ANKRD44: variants seen among roughly 807,000 people sequenced by gnomAD.
ANKRD44 encodes serine/threonine-protein phosphatase 6 regulatory ankyrin repeat subunit B.
A neutral mutation model predicts 116.0 loss-of-function variants in ANKRD44; 35 were observed. The ratio of observed to expected loss-of-function variants is 0.30; its 90% confidence interval spans 0.23 to 0.40. ANKRD44 has a LOEUF of 0.40. Ranked by LOEUF, ANKRD44 falls within the 10% of genes least tolerant of loss-of-function variation. The pLI is 1.00. For synonymous variants in ANKRD44, 435 were observed against 461.8 expected, an observed-to-expected ratio of 0.94 and a Z score of 0.74; for missense variants, 1,014 against 1,242.6, an observed-to-expected ratio of 0.82 and a Z score of 2.77.
chr2:197,156,232 G>A (rs1216691647), intron 2 of ANKRD44, among the ~76,000 whole-genome samples: 1 of 152,130 alleles, frequency 6.6e-6, no homozygotes. Context: ...TGTAGTCCCA[G>A]CTACTCAGGA....
chr2:197,244,889 G>A (rs2082157650), intron 1 of ANKRD44, among the ~76,000 whole-genome samples: 1 of 152,104 alleles, frequency 6.6e-6, no homozygotes, highest in South Asian at 2.1e-4. Context: ...TTTACAGTTG[G>A]CCCTCCATAT....
chr2:196,994,141 AT>A (rs2075969584), intron 26 of ANKRD44, among the ~76,000 whole-genome samples: 1 of 152,188 alleles, frequency 6.6e-6, no homozygotes, highest in African/African-American at 2.4e-5. Flanking sequence ...ACCTTAAAGA[AT>A]TATGTCAAAC....
At chr2:197,023,545 C>T (rs1476233122) in intron 17 of ANKRD44, among the ~76,000 whole-genome samples, 2 of 151,646 alleles carry the variant, frequency 1.3e-5, no homozygotes, top group Non-Finnish European at 2.9e-5. Context: ...GCAGAGTACA[C>T]AATAAGCATT....
intron 16 of ANKRD44, among the ~76,000 whole-genome samples, chr2:197,033,298 A>ATGG (rs1044369042): frequency 6.6e-6 from 1 of 152,102 alleles, no homozygotes; most frequent in African/African-American, 2.4e-5. Context: ...GATGATGATG[A>ATGG]TGGTGGTGGT....
chr2:197,171,946 T>C (rs2080244192), intron 2 of ANKRD44, among the ~76,000 whole-genome samples: 1 of 151,940 alleles, frequency 6.6e-6, no homozygotes, highest in African/African-American at 2.4e-5. Flanking sequence ...AGAAAACAAT[T>C]GCCTAAGTCA....
intron 9 of ANKRD44, among the ~76,000 whole-genome samples, chr2:197,101,609 A>T (rs942242859): frequency 4.0e-5 from 6 of 150,198 alleles, no homozygotes; most frequent in Non-Finnish European, 8.9e-5. Flanking sequence ...TTACCACAAT[A>T]AAAAAAAAGG....
At chr2:197,038,786 CA>C (rs1246572478) in intron 16 of ANKRD44, among the ~76,000 whole-genome samples, 1 of 151,974 alleles carries the variant, frequency 6.6e-6, no homozygotes, top group Non-Finnish European at 1.5e-5. Context: ...TTAACTCATA[CA>C]AAATAAAGCC....
At chr2:197,078,625 A>G in intron 16 of ANKRD44, 78 bp downstream of exon 16, 2 of 1,559,726 alleles carry the variant, frequency 1.3e-6, no homozygotes, top group Middle Eastern at 1.7e-4. Context: ...ACAACTCTGG[A>G]AAAAAACAGT....
At chr2:196,970,366 A>C (rs968475115) in intron 21 of ANKRD44, among the ~76,000 whole-genome samples, 2 of 152,178 alleles carry the variant, frequency 1.3e-5, no homozygotes, top group Admixed American at 1.3e-4. Flanking sequence ...GGATATGAGA[A>C]ATTACTGAGT....
intron 3 of ANKRD44, among the ~76,000 whole-genome samples, chr2:197,139,730 T>C (rs9679049): frequency 6.6e-6 from 1 of 152,160 alleles, no homozygotes; most frequent in Non-Finnish European, 1.5e-5. Flanking sequence ...TATATTATTC[T>C]CCATAGTTTT....
At chr2:197,204,698 A>C (rs2081168141) in intron 1 of ANKRD44, among the ~76,000 whole-genome samples, 1 of 152,246 alleles carries the variant, frequency 6.6e-6, no homozygotes, top group Non-Finnish European at 1.5e-5. Context: ...ACCACAGGCC[A>C]AACAAAACAC....
chr2:197,065,880 T>C (rs953695351), intron 16 of ANKRD44, among the ~76,000 whole-genome samples: 2 of 152,332 alleles, frequency 1.3e-5, no homozygotes, highest in East Asian at 3.9e-4. Flanking sequence ...GCTGGTACCA[T>C]TCCTTCTGAA....
intron 16 of ANKRD44, among the ~76,000 whole-genome samples, chr2:197,058,945 C>T (rs2077256217): frequency 1.3e-5 from 2 of 152,218 alleles, no homozygotes; most frequent in South Asian, 4.1e-4. Context: ...TCAGGAAAAA[C>T]TATAATACTG....
At chr2:197,147,000 TGAC>T (rs2079521755) in intron 3 of ANKRD44, 24 bp downstream of exon 3, 1 of 1,603,366 alleles carries the variant, frequency 6.2e-7, no homozygotes. Context: ...TATTTGCAAT[TGAC>T]TTTTGAGTAT....
At chr2:197,112,906 T>G (rs1172268618) in intron 8 of ANKRD44, among the ~76,000 whole-genome samples, 1 of 151,590 alleles carries the variant, frequency 6.6e-6, no homozygotes, top group Admixed American at 6.6e-5. Flanking sequence ...ATAAGTCTAT[T>G]CCTTAGAAAT....
At chr2:197,032,227 G>A (rs889137598) in intron 16 of ANKRD44, among the ~76,000 whole-genome samples, 2 of 152,116 alleles carry the variant, frequency 1.3e-5, no homozygotes, top group Non-Finnish European at 2.9e-5. Flanking sequence ...GCTGCCGTGT[G>A]GAAAATGAAC....
intron 10 of ANKRD44, among the ~76,000 whole-genome samples, chr2:197,090,576 G>C (rs1369276925): frequency 1.3e-5 from 2 of 151,272 alleles, no homozygotes; most frequent in South Asian, 2.1e-4. Flanking sequence ...TAGAGGCAGG[G>C]GGCAGAGAAA....
At chr2:197,245,796 A>G (rs2082178721) in intron 1 of ANKRD44, among the ~76,000 whole-genome samples, 1 of 152,266 alleles carries the variant, frequency 6.6e-6, no homozygotes, top group Non-Finnish European at 1.5e-5. Flanking sequence ...GTGAATCAAG[A>G]CTGATCAAAT....
intron 16 of ANKRD44, among the ~76,000 whole-genome samples, chr2:197,052,258 A>G (rs2077122251): frequency 6.6e-6 from 1 of 152,190 alleles, no homozygotes. Flanking sequence ...ATGGAGAATA[A>G]AATAGACAAC....
Sources: allele counts gnomAD v4.1 joint callset (sites outside exome capture counted in the v4.1 genomes callset), GRCh38; gene constraint gnomAD v4.1.1; transcripts MANE v1.5; gene names NCBI Gene and HGNC (gene_info 2026-07-23, HGNC 2026-07-21).